The following CAMK1D variants were observed in gnomAD, a reference collection of about 807,000 sequenced individuals.
CAMK1D encodes the protein calcium/calmodulin dependent protein kinase ID, also known as calcium/calmodulin-dependent protein kinase type 1D.
A neutral mutation model predicts 47.7 loss-of-function variants in CAMK1D; 9 were observed. The observed-to-expected ratio is 0.19, with a 90% CI of 0.11 to 0.33. CAMK1D has a LOEUF of 0.33. Among genes scored for constraint, CAMK1D ranks in the 10% least tolerant of loss-of-function variants. The probability of loss-of-function intolerance (pLI) is 1.00; values close to 1 mark genes in which losing one functional copy is unlikely to be tolerated. For missense variants in CAMK1D, 291 were observed against 488.7 expected, an observed-to-expected ratio of 0.60 and a Z score of 3.81; for synonymous variants, 184 against 184.9, an observed-to-expected ratio of 0.99 and a Z score of 0.04.
At chr10:12,464,502 T>C (rs1441511513) in intron 1 of CAMK1D, among the ~76,000 whole-genome samples, 1 of 152,080 alleles carries the variant, frequency 6.6e-6, no homozygotes, top group Admixed American at 6.6e-5. Context: ...TGTTAGTGGC[T>C]GATGTCAGAC....
intron 1 of CAMK1D, among the ~76,000 whole-genome samples, chr10:12,398,395 C>G (rs1839043033): frequency 6.6e-6 from 1 of 152,216 alleles, no homozygotes; most frequent in Non-Finnish European, 1.5e-5. Flanking sequence ...GTTGCCCAGG[C>G]TGGAGTGCAG....
chr10:12,374,471 G>T (rs1011562503), intron 1 of CAMK1D, among the ~76,000 whole-genome samples: 34 of 151,954 alleles, frequency 2.2e-4, no homozygotes, highest in Admixed American at 5.9e-4. Context: ...CCTTGCTCAC[G>T]TAGTATCTCC....
At chr10:12,499,650 GC>G (rs1026420194) in intron 1 of CAMK1D, among the ~76,000 whole-genome samples, 69 of 152,316 alleles carry the variant, frequency 4.5e-4, no homozygotes, top group African/African-American at 1.4e-3. Flanking sequence ...CAACACAAGT[GC>G]TTGAGAGAGA....
intron 3 of CAMK1D, among the ~76,000 whole-genome samples, chr10:12,684,436 G>A (rs1339145993): frequency 2.0e-5 from 3 of 151,996 alleles, no homozygotes; most frequent in Non-Finnish European, 2.9e-5. Flanking sequence ...GGAAGAACAG[G>A]CTCCAGGTAT....
At chr10:12,433,715 T>G (rs1199820318) in intron 1 of CAMK1D, among the ~76,000 whole-genome samples, 1 of 152,220 alleles carries the variant, frequency 6.6e-6, no homozygotes, top group African/African-American at 2.4e-5. Context: ...ATTCAGAGCA[T>G]TTTTGCAGTA....
chr10:12,419,952 A>G (rs1217392962), intron 1 of CAMK1D, among the ~76,000 whole-genome samples: 5 of 151,446 alleles, frequency 3.3e-5, no homozygotes, highest in African/African-American at 9.7e-5. Flanking sequence ...AATGACATCT[A>G]TGTAACTTTT....
At chr10:12,674,050 A>G (rs1840714774) in intron 3 of CAMK1D, among the ~76,000 whole-genome samples, 1 of 152,056 alleles carries the variant, frequency 6.6e-6, no homozygotes, top group African/African-American at 2.4e-5. Flanking sequence ...GGCTCAAGCG[A>G]TTCTTCCACC....
At chr10:12,438,481 T>C (rs1466935745) in intron 1 of CAMK1D, among the ~76,000 whole-genome samples, 2 of 152,208 alleles carry the variant, frequency 1.3e-5, no homozygotes, top group East Asian at 3.8e-4. Flanking sequence ...GAAAACCCTG[T>C]TTTTGAAGCA....
chr10:12,731,872 A>G (rs940014567), intron 3 of CAMK1D, among the ~76,000 whole-genome samples: 4 of 152,098 alleles, frequency 2.6e-5, no homozygotes, highest in African/African-American at 9.7e-5. Context: ...GTTCCTGATA[A>G]TGACGAGGTC....
intron 2 of CAMK1D, among the ~76,000 whole-genome samples, chr10:12,566,066 C>T (rs1273524183): frequency 1.3e-5 from 2 of 152,138 alleles, no homozygotes; most frequent in African/African-American, 4.8e-5. Context: ...CAAGTCATTT[C>T]AACTCTCAGC....
At chr10:12,378,534 C>A (rs1415943029) in intron 1 of CAMK1D, among the ~76,000 whole-genome samples, 1 of 130,186 alleles carries the variant, frequency 7.7e-6, no homozygotes, top group Non-Finnish European at 1.7e-5. Flanking sequence ...TGTGACTGGC[C>A]CCTTAGTATT....
chr10:12,738,009 AG>A (rs1835259732), intron 3 of CAMK1D, among the ~76,000 whole-genome samples: 1 of 152,244 alleles, frequency 6.6e-6, no homozygotes, highest in South Asian at 2.1e-4. Flanking sequence ...TTAAATCACA[AG>A]GTCTTTGGGA....
chr10:12,769,428 A>T (rs942772146), intron 4 of CAMK1D, among the ~76,000 whole-genome samples: 7 of 152,162 alleles, frequency 4.6e-5, no homozygotes, highest in Non-Finnish European at 1.5e-5. Context: ...TGAGTTTTTT[A>T]AAGTAGACAA....
intron 6 of CAMK1D, among the ~76,000 whole-genome samples, chr10:12,809,039 C>A (rs1014072961): frequency 6.6e-6 from 1 of 151,968 alleles, no homozygotes; most frequent in African/African-American, 2.4e-5. Flanking sequence ...ATTACTTGAA[C>A]CCAGCAGGCA....
At chr10:12,443,556 C>T (rs891078194) in intron 1 of CAMK1D, among the ~76,000 whole-genome samples, 4 of 152,052 alleles carry the variant, frequency 2.6e-5, no homozygotes, top group Admixed American at 6.6e-5. Context: ...CAAGTTTCTT[C>T]GGAAGGTAAA....
intron 1 of CAMK1D, among the ~76,000 whole-genome samples, chr10:12,485,302 G>A (rs948729225): frequency 1.3e-5 from 2 of 152,192 alleles, no homozygotes; most frequent in African/African-American, 4.8e-5. Context: ...GGGAGCAGAA[G>A]GACTGTGGCC....
At chr10:12,425,155 C>G (rs1840185625) in intron 1 of CAMK1D, among the ~76,000 whole-genome samples, 1 of 152,156 alleles carries the variant, frequency 6.6e-6, no homozygotes, top group Non-Finnish European at 1.5e-5. Context: ...GACCCATGGT[C>G]CCTTCTCCCC....
chr10:12,663,074 G>T (rs988694190), intron 2 of CAMK1D, among the ~76,000 whole-genome samples: 1 of 152,154 alleles, frequency 6.6e-6, no homozygotes, highest in Non-Finnish European at 1.5e-5. Context: ...CGATTGTCCT[G>T]CCTCAGCCTC....
chr10:12,768,288 G>A (rs1836873088), intron 4 of CAMK1D, among the ~76,000 whole-genome samples: 1 of 152,170 alleles, frequency 6.6e-6, no homozygotes, highest in Admixed American at 6.5e-5. Flanking sequence ...AAAATGGGAG[G>A]CAGGATTGCG....
Sources: gnomAD v4.1 joint callset for allele counts (sites outside exome capture counted in the v4.1 genomes callset) on GRCh38, gnomAD v4.1.1 for gene constraint, MANE v1.5 for transcripts, NCBI Gene and HGNC (gene_info 2026-07-23, HGNC 2026-07-21) for gene names.